Variants in ADAMTSL3 observed in about 807,000 individuals in gnomAD.
ADAMTSL3 encodes ADAMTS-like protein 3.
A neutral mutation model predicts 201.7 loss-of-function variants in ADAMTSL3; 128 were observed. The ratio of observed to expected loss-of-function variants is 0.63; its 90% CI spans 0.55 to 0.73. The LOEUF is 0.73. Ranked by LOEUF, ADAMTSL3 falls within the 30% of genes least tolerant of loss-of-function variation. The pLI is 0.00. For missense variants in ADAMTSL3, 1,990 were observed against 2,119.6 expected, an observed-to-expected ratio of 0.94 and a Z score of 1.20; for synonymous variants, 738 against 748.4, an observed-to-expected ratio of 0.99 and a Z score of 0.23.
At chr15:83,839,611 A>G (rs555420117) in intron 7 of ADAMTSL3, among the ~76,000 whole-genome samples, 1 of 152,296 alleles carries the variant, frequency 6.6e-6, no homozygotes, top group Non-Finnish European at 1.5e-5. Flanking sequence ...CTTTCAAGCT[A>G]TTCAAGAGTG....
At chr15:83,767,412 C>A (rs564931268) in intron 3 of ADAMTSL3, among the ~76,000 whole-genome samples, 2 of 152,114 alleles carry the variant, frequency 1.3e-5, no homozygotes, top group African/African-American at 4.8e-5. Context: ...TAACAACTTA[C>A]CATATAAAAT....
intron 16 of ADAMTSL3, among the ~76,000 whole-genome samples, chr15:83,917,417 G>GTGTGTA (rs9329362): frequency 6.8e-6 from 1 of 146,532 alleles, no homozygotes; most frequent in African/African-American, 2.6e-5. Context: ...TCCAAAGTGT[G>GTGTGTA]TGTATGTATG....
At chr15:83,764,449 G>A (rs1348379321) in intron 3 of ADAMTSL3, among the ~76,000 whole-genome samples, 2 of 152,092 alleles carry the variant, frequency 1.3e-5, no homozygotes, top group African/African-American at 4.8e-5. Flanking sequence ...GGTCTCCCTT[G>A]CCCTCTGGCT....
chr15:83,896,053 G>A (rs555463279), intron 13 of ADAMTSL3, among the ~76,000 whole-genome samples: 2 of 152,270 alleles, frequency 1.3e-5, no homozygotes, highest in African/African-American at 2.4e-5. Flanking sequence ...TCCTTAAAGC[G>A]GTGGCTTGGC....
intron 3 of ADAMTSL3, among the ~76,000 whole-genome samples, chr15:83,745,977 A>G (rs747334940): frequency 1.7e-4 from 26 of 152,258 alleles, no homozygotes; most frequent in Middle Eastern, 3.4e-3. Context: ...TGTCAGCTGC[A>G]GGGAACATAA....
At chr15:83,811,889 G>C (rs1174376701) in intron 5 of ADAMTSL3, among the ~76,000 whole-genome samples, 2 of 152,170 alleles carry the variant, frequency 1.3e-5, no homozygotes, top group Non-Finnish European at 2.9e-5. Context: ...GAAGTGTCCA[G>C]AGCATCCCTT....
At chr15:83,810,525 G>T (rs1272568354) in intron 5 of ADAMTSL3, among the ~76,000 whole-genome samples, 1 of 152,190 alleles carries the variant, frequency 6.6e-6, no homozygotes, top group African/African-American at 2.4e-5. Flanking sequence ...CAAGACAAAT[G>T]TATTATCTTA....
At chr15:83,981,027 C>T (rs970434713) in intron 20 of ADAMTSL3, among the ~76,000 whole-genome samples, 4 of 152,226 alleles carry the variant, frequency 2.6e-5, no homozygotes, top group African/African-American at 4.8e-5. Flanking sequence ...ATTGCATGAC[C>T]TTCTAAATCC....
chr15:83,991,128 C>T lies in ADAMTSL3; in HGVS notation c.3887C>T (p.Pro1296Leu), dbSNP rs201510194. ...ILSVERNITK[P>L]EHNHLSVVVG... The stretch of plus-strand genomic sequence containing the variant: ...TCTGTTGAAAGAAATATCACCAAAC[C>T]AGAGCACAACCATCTGTCTGTTGTG... Residue 1296 changes from proline (P) to leucine (L), a missense_variant, in exon 23 of 30, where the codon CCA becomes CTA. Transcript: ENST00000286744. 6 of 1,614,194 alleles carry T rather than the reference C, an allele frequency of 3.7e-6. No homozygotes were observed. In the African/African-American group the frequency reaches 5.3e-5, roughly 14 times the overall value.
At chr15:83,797,809 C>T (rs2063452743) in intron 4 of ADAMTSL3, among the ~76,000 whole-genome samples, 1 of 152,146 alleles carries the variant, frequency 6.6e-6, no homozygotes, top group Admixed American at 6.5e-5. Flanking sequence ...CAGAAGAGAA[C>T]AACCCCGCTC....
At chr15:83,789,874 T>C (rs1026562536) in intron 4 of ADAMTSL3, among the ~76,000 whole-genome samples, 1 of 152,110 alleles carries the variant, frequency 6.6e-6, no homozygotes, top group Non-Finnish European at 1.5e-5. Context: ...AGTCATACTG[T>C]TTTGACCCCA....
chr15:83,921,568 A>G (rs558692329), intron 16 of ADAMTSL3, among the ~76,000 whole-genome samples: 1 of 152,262 alleles, frequency 6.6e-6, no homozygotes, highest in Non-Finnish European at 1.5e-5. Flanking sequence ...TTGTTTGCAA[A>G]TGGCAGAAAC....
intron 19 of ADAMTSL3, among the ~76,000 whole-genome samples, chr15:83,963,907 A>C (rs1286414768): frequency 2.0e-5 from 3 of 152,246 alleles, no homozygotes; most frequent in Non-Finnish European, 4.4e-5. Context: ...GCAGACCTGC[A>C]GCAGAGGAGC....
At chr15:83,829,632 T>C (rs1256786693) in intron 6 of ADAMTSL3, among the ~76,000 whole-genome samples, 1 of 152,260 alleles carries the variant, frequency 6.6e-6, no homozygotes, top group East Asian at 1.9e-4. Flanking sequence ...GTATCAATTT[T>C]AGATCTTTCC....
intron 5 of ADAMTSL3, among the ~76,000 whole-genome samples, chr15:83,807,604 C>A (rs918297579): frequency 1.3e-5 from 2 of 152,118 alleles, no homozygotes; most frequent in African/African-American, 4.8e-5. Flanking sequence ...CAGTGACATT[C>A]TTCACAGAAA....
intron 9 of ADAMTSL3, among the ~76,000 whole-genome samples, chr15:83,871,877 A>G (rs985540677): frequency 1.3e-5 from 2 of 152,204 alleles, no homozygotes; most frequent in Admixed American, 1.3e-4. Context: ...AATAGCCCCA[A>G]TTACCAGTTA....
At chr15:83,689,754 C>T (rs2061587145) in intron 2 of ADAMTSL3, among the ~76,000 whole-genome samples, 1 of 152,124 alleles carries the variant, frequency 6.6e-6, no homozygotes, top group African/African-American at 2.4e-5. Context: ...GTTTTGTTTT[C>T]AAGAGCATAA....
At chr15:83,863,527 C>T (rs566112379) in intron 8 of ADAMTSL3, among the ~76,000 whole-genome samples, 1 of 152,054 alleles carries the variant, frequency 6.6e-6, no homozygotes, top group Non-Finnish European at 1.5e-5. Context: ...GGGTACATAA[C>T]GAAATGAAGG....
In ADAMTSL3 at chr15:84,025,349, T is replaced by C; in HGVS notation, c.4569T>C (p.Ser1523=). 1.2e-6 allele frequency: 2 copies of C among 1,614,148 alleles called. No homozygotes were observed. Among genetic ancestry groups the C allele is most frequent in the Non-Finnish European group, 1.7e-6 (2 of 1,180,036 alleles). ...TKANGTVQVV[S]PRACAPKDRP... ...CCAATGGAACTGTGCAGGTGGTGTC[T>C]CCAAGAGCATGTGCCCCTAAAGACC... is the stretch of plus-strand genomic sequence containing the variant. Residue 1523 remains serine (S), a synonymous_variant, in exon 27 of 30, where the codon TCT becomes TCC. Transcript: ENST00000286744.
Sources: gnomAD v4.1 joint callset for allele counts (sites outside exome capture counted in the v4.1 genomes callset) on GRCh38, gnomAD v4.1.1 for gene constraint, MANE v1.5 for transcripts, NCBI Gene and HGNC (gene_info 2026-07-23, HGNC 2026-07-21) for gene names.